The following CCDC7 variants were observed in gnomAD, a reference collection of about 807,000 sequenced individuals.
The protein encoded by CCDC7 is coiled-coil domain-containing protein 7.
CCDC7 carries 183 observed loss-of-function variants against 196.9 expected under a neutral mutation model. The observed-to-expected ratio is 0.93, with a 90% CI of 0.82 to 1.05. The LOEUF (loss-of-function observed/expected upper bound fraction) is 1.05. Ranked by LOEUF, CCDC7 falls within the 50% of genes least tolerant of loss-of-function variation. The probability of loss-of-function intolerance (pLI) is 0.00; values close to 1 mark genes in which losing one functional copy is unlikely to be tolerated. For synonymous variants in CCDC7, 525 were observed against 484.6 expected, an observed-to-expected ratio of 1.08 and a Z score of -1.10; for missense variants, 1,540 against 1,482.2, an observed-to-expected ratio of 1.04 and a Z score of -0.64.
At chr10:32,473,075 G>A (rs553883453) in intron 7 of CCDC7, among the ~76,000 whole-genome samples, 1 of 152,140 alleles carries the variant, frequency 6.6e-6, no homozygotes, top group Non-Finnish European at 1.5e-5. Context: ...AATACAATGT[G>A]TATCCCCTAT....
At chr10:32,812,929 G>A (rs139117636) in intron 30 of CCDC7, among the ~76,000 whole-genome samples, 15 of 152,182 alleles carry the variant, frequency 9.9e-5, no homozygotes, top group Admixed American at 3.3e-4. Flanking sequence ...CTCTTATATT[G>A]TTACTTGATT....
chr10:32,755,702 C>T (rs1001347270), intron 28 of CCDC7, among the ~76,000 whole-genome samples: 16 of 152,096 alleles, frequency 1.1e-4, no homozygotes, highest in African/African-American at 3.9e-4. Context: ...CTCTTCTCCT[C>T]CAAAGGAATG....
In CCDC7 at chr10:32,663,940, A is replaced by G. The variant is rs2072077597; in HGVS notation, c.2015-114A>G. The G allele has an allele frequency of 8.2e-6, 3 of 367,488 alleles. No homozygotes were observed. The South Asian group carries it at 4.8e-4, about 59-fold the overall frequency. 22.8% of individuals were successfully genotyped at this position (367,488 alleles called of 1,614,324 possible). Reference sequence around the variant, plus strand: ...TCTAGAATTATAGTAATTTACTTATATTTTACATGTATAAAAATGAGACAG... The same window carrying G: ...TCTAGAATTATAGTAATTTACTTATGTTTTACATGTATAAAAATGAGACAG... On this transcript the variant is annotated intron_variant, in intron 20 of 41. Transcript: ENST00000639629.
intron 18 of CCDC7, among the ~76,000 whole-genome samples, chr10:32,603,161 CTTT>C (rs35440134): frequency 6.9e-6 from 1 of 145,804 alleles, no homozygotes. Context: ...ATGAAATTCA[CTTT>C]TTTTTTTTTT....
chr10:32,533,246 AACAC>A (rs58119017), intron 11 of CCDC7, among the ~76,000 whole-genome samples: 204 of 144,624 alleles, frequency 1.4e-3, no homozygotes, highest in African/African-American at 4.8e-3. Flanking sequence ...AAACAAAGGA[AACAC>A]ACACACACAC....
intron 11 of CCDC7, among the ~76,000 whole-genome samples, chr10:32,534,649 G>A (rs1564575888): frequency 6.6e-6 from 1 of 152,032 alleles, no homozygotes; most frequent in Non-Finnish European, 1.5e-5. Context: ...TGAGAGTGCT[G>A]CTTGTCTGGA....
At chr10:32,845,195 G>A in intron 33 of CCDC7, 48 bp from the exon 35 acceptor site, 1 of 1,179,612 alleles carries the variant, frequency 8.5e-7, no homozygotes, top group Non-Finnish European at 1.2e-6. Flanking sequence ...CTCAGATTTG[G>A]TAATGTTTAC....
rs1322109850 is a variant in CCDC7, at chr10:32,673,685, G to GTGTGTA, written c.2122+9527_2122+9528insGTATGT. Among the ~76,000 whole-genome samples the GTGTGTA allele has an allele frequency of 6.4e-3, 963 of 150,094 alleles. 15 individuals carry two copies. Among genetic ancestry groups the GTGTGTA allele is most frequent in the African/African-American group, 0.021 (887 of 41,292 alleles). ...TGTGTGTGTGTGTGTGTGTGTGTGT[G>GTGTGTA]TGTAGTTTAGGGTTTTCTACATTAA... On this transcript the variant is annotated intron_variant, in intron 21 of 41. Transcript: ENST00000639629.
At chr10:32,825,226 A>T (rs967431527) in intron 32 of CCDC7, among the ~76,000 whole-genome samples, 2 of 152,218 alleles carry the variant, frequency 1.3e-5, no homozygotes, top group Admixed American at 1.3e-4. Context: ...GTGTGTTATG[A>T]TGGTTAATAC....
At chr10:32,601,871 G>A (rs1564794839) in intron 18 of CCDC7, among the ~76,000 whole-genome samples, 1 of 152,056 alleles carries the variant, frequency 6.6e-6, no homozygotes. Context: ...TCAGCACTCT[G>A]TAAAATGGAC....
At chr10:32,585,161 C>T (rs1461905916) in intron 18 of CCDC7, among the ~76,000 whole-genome samples, 1 of 151,906 alleles carries the variant, frequency 6.6e-6, no homozygotes, top group Non-Finnish European at 1.5e-5. Context: ...GCAAGCTCCG[C>T]CTCCCGGGTT....
In CCDC7 at chr10:32,511,260, GCGGGGGGGGC is replaced by G. The variant is rs1188153578; in HGVS notation, c.873-6684_873-6675del. 61 of 625,916 alleles carry G rather than the reference GCGGGGGGGGC, an allele frequency of 9.7e-5. 9 individuals are homozygous for G. The highest frequency in any genetic ancestry group is 1.3e-4 in the South Asian group (6 of 46,858). 38.8% of individuals were successfully genotyped at this position (625,916 alleles called of 1,614,324 possible). A position where few individuals can be genotyped will look rare whatever the true frequency, so the allele number is the denominator to read the frequency against. On this transcript the variant is annotated intron_variant, in intron 9 of 41. Transcript: ENST00000639629. ...CTGCCACAGAATTATTCTGTGGGGG[GCGGGGGGGGC>G]GGGGAAATGTACTTTTTGAATATGT...
At chr10:32,691,880 GT>G (rs1185808220) in intron 23 of CCDC7, among the ~76,000 whole-genome samples, 2 of 152,180 alleles carry the variant, frequency 1.3e-5, no homozygotes, top group Non-Finnish European at 2.9e-5. Flanking sequence ...GCCAAAAATA[GT>G]TCCCAACTGA....
intron 21 of CCDC7, among the ~76,000 whole-genome samples, chr10:32,684,225 A>G (rs1591564281): frequency 1.3e-5 from 2 of 152,222 alleles, no homozygotes; most frequent in Middle Eastern, 6.8e-3. Context: ...CCTGGGGCGC[A>G]TGGGAGATCC....
intron 16 of CCDC7, among the ~76,000 whole-genome samples, chr10:32,576,945 A>G (rs1230319266): frequency 6.6e-6 from 1 of 152,160 alleles, no homozygotes. Context: ...TTCATGTCAC[A>G]TGTTTTCCTT....
chr10:32,723,567 A>G (rs1309128950), intron 25 of CCDC7, among the ~76,000 whole-genome samples: 2 of 152,056 alleles, frequency 1.3e-5, no homozygotes, highest in Admixed American at 6.6e-5. Flanking sequence ...AGCCCAAATA[A>G]TATCCAGCTG....
intron 28 of CCDC7, among the ~76,000 whole-genome samples, chr10:32,771,546 A>G (rs1423876677): frequency 6.6e-6 from 1 of 152,130 alleles, no homozygotes; most frequent in East Asian, 1.9e-4. Flanking sequence ...CTTTTGTCTT[A>G]CTGCTTTTAG....
intron 3 of CCDC7, among the ~76,000 whole-genome samples, chr10:32,458,480 TGC>T (rs1311707416): frequency 1.2e-3 from 7 of 5,764 alleles, no homozygotes; most frequent in African/African-American, 3.4e-3. Flanking sequence ...TGTGTGTGTG[TGC>T]TTTTTTTTTT....
At chr10:32,640,200 A>G (rs1004283674) in intron 20 of CCDC7, among the ~76,000 whole-genome samples, 6 of 151,998 alleles carry the variant, frequency 3.9e-5, no homozygotes, top group African/African-American at 1.4e-4. Flanking sequence ...GTCTCTAAGG[A>G]CTTGCTTTAT....
Sources: gnomAD v4.1 joint callset for allele counts (sites outside exome capture counted in the v4.1 genomes callset) on GRCh38, gnomAD v4.1.1 for gene constraint, MANE v1.5 for transcripts, NCBI Gene and HGNC (gene_info 2026-07-23, HGNC 2026-07-21) for gene names.